The following WNT8B variants were observed in gnomAD, a reference collection of about 807,000 sequenced individuals.
The protein encoded by WNT8B is Wnt family member 8B.
A neutral mutation model predicts 36.6 loss-of-function variants in WNT8B; 24 were observed. That is an observed-to-expected ratio of 0.66 (90% CI 0.48 to 0.92). The LOEUF (loss-of-function observed/expected upper bound fraction) is 0.92, where lower values mean the gene tolerates loss of function less well. Ranked by LOEUF, WNT8B falls within the 40% of genes least tolerant of loss-of-function variation. The probability of loss-of-function intolerance (pLI) is 0.00; values close to 1 mark genes in which losing one functional copy is unlikely to be tolerated. For missense variants in WNT8B, 402 were observed against 470.8 expected (o/e 0.85, Z 1.35); for synonymous variants, 199 against 189.8 (o/e 1.05, Z -0.40).
At chr10:100,477,658 T>A (rs1851055420) in intron 1 of WNT8B, among the ~76,000 whole-genome samples, 1 of 152,196 alleles carries the variant, frequency 6.6e-6, no homozygotes, top group Admixed American at 6.5e-5. Context: ...TGACTATTAT[T>A]AATAAAGTGG....
rs1366918715 is a variant in WNT8B, at chr10:100,482,777, G to A, written c.1017G>A (p.Pro339=). ...TKYFCSRAER[P]RGGAAHKPGR... is the part of the protein sequence containing the mutation. Reference sequence around the variant, plus strand: ...ACTTCTGTAGCCGCGCAGAGCGGCCGCGGGGGGGCGCTGCGCACAAACCCG... The same window carrying A: ...ACTTCTGTAGCCGCGCAGAGCGGCCACGGGGGGGCGCTGCGCACAAACCCG... Residue 339 remains proline, a synonymous_variant, in exon 6 of 6, where the codon CCG becomes CCA. Transcript: ENST00000343737. This position sits in a 1 kb window ranked among gnomAD's most constrained non-coding sequence, Gnocchi z 6.6. 2 of 1,587,122 alleles carry A rather than the reference G, an allele frequency of 1.3e-6. No homozygotes were observed. Among genetic ancestry groups the A allele is most frequent in the East Asian group, 2.3e-5 (1 of 44,176 alleles).
chr10:100,480,926 A>C (rs1280774744), intron 3 of WNT8B, 72 bp from the exon 4 acceptor site: 28 of 1,537,316 alleles, frequency 1.8e-5, no homozygotes, highest in Non-Finnish European at 2.5e-5. Context: ...GTTATTAAAG[A>C]AAGGTAGCAT....
intron 3 of WNT8B, 126 bp from the exon 4 acceptor site, chr10:100,480,872 G>A: frequency 9.0e-7 from 1 of 1,110,222 alleles, no homozygotes; most frequent in East Asian, 2.5e-5. Flanking sequence ...TAATAATAAA[G>A]ATGGGGAAAT....
rs1466440315 is a variant in WNT8B, at chr10:100,482,794, A to G, written c.1034A>G (p.His345Arg). The G allele has an allele frequency of 6.3e-7, 1 of 1,582,084 alleles. No individual in the cohort carries two copies. The highest frequency in any genetic ancestry group is 8.6e-7 in the Non-Finnish European group (1 of 1,162,642). The stretch of plus-strand genomic sequence containing the variant: ...GAGCGGCCGCGGGGGGGCGCTGCGC[A>G]CAAACCCGGGAGAAAACCCTAAGGG... ...RAERPRGGAA[H>R]KPGRKP The change falls in exon 6 of 6, where the codon CAC (histidine) becomes CGC (arginine). Residue 345 changes from histidine to arginine, a missense_variant. Physicochemically the swap from His to Arg is conservative, Grantham distance 29. This residue lies in a region of WNT8B where 256 missense variants were observed against 278.6 expected (regional missense o/e 0.92). Coordinates refer to ENST00000343737, the MANE Select transcript of WNT8B (RefSeq NM_003393.4). This position sits in a 1 kb window ranked among gnomAD's most constrained non-coding sequence, Gnocchi z 6.6.
intron 1 of WNT8B, among the ~76,000 whole-genome samples, chr10:100,470,733 A>G: frequency 6.6e-6 from 1 of 152,092 alleles, no homozygotes; most frequent in East Asian, 1.9e-4. Context: ...CTTATTTTCT[A>G]TTTTATTTTG....
intron 4 of WNT8B, 37 bp downstream of exon 4, chr10:100,481,160 C>A (rs760813627): frequency 6.2e-7 from 1 of 1,607,066 alleles, no homozygotes; most frequent in Non-Finnish European, 8.5e-7. Flanking sequence ...CATAGGCCAG[C>A]CAACGCACAT....
At chr10:100,481,441 CTT>C (rs1301064524) in intron 4 of WNT8B, among the ~76,000 whole-genome samples, 2 of 152,230 alleles carry the variant, frequency 1.3e-5, no homozygotes, top group South Asian at 2.1e-4. Flanking sequence ...ACTTTCCACT[CTT>C]TACCTCCAGT....
rs773930024 is a variant in WNT8B at position 100,479,070 on chromosome 10, G to A, written c.87G>A (p.Leu29=). Residue 29 remains leucine (L), a synonymous_variant, in exon 2 of 6, where the codon CTG becomes CTA. Transcript: ENST00000343737. ...CTTATAGGTCGGTGAACAATTTCCT[G>A]ATGACTGGTCCAAAGGTAAGAACAA... ...LSHSWSVNNF[L]MTGPKAYLIY... is the part of the protein sequence containing the mutation. The A allele has an allele frequency of 3.1e-6, 5 of 1,600,356 alleles. No individual in the cohort carries two copies. The South Asian group carries it at 5.7e-5, about 18-fold the overall frequency.
In WNT8B at chr10:100,463,378, C is replaced by T. The variant is rs1010255862; in HGVS notation, c.68+142C>T. On this transcript the variant is annotated intron_variant, in intron 1 of 5. Transcript: ENST00000343737. Reference sequence around the variant, plus strand: ...ACTGTTCTATGGGGTAGGGCTCTTCCTAAATTTATGGCTGATTTTAGTGAA... The same window carrying T: ...ACTGTTCTATGGGGTAGGGCTCTTCTTAAATTTATGGCTGATTTTAGTGAA... The T allele has an allele frequency of 8.7e-6, 6 of 693,104 alleles. No homozygotes were observed. The African/African-American group carries it at 1.1e-4, about 13-fold the overall frequency. 42.9% of individuals were successfully genotyped at this position (693,104 alleles called of 1,614,324 possible).
intron 1 of WNT8B, among the ~76,000 whole-genome samples, chr10:100,467,923 C>A (rs547419455): frequency 1.3e-5 from 2 of 152,136 alleles, no homozygotes; most frequent in Non-Finnish European, 2.9e-5. Context: ...CCAAGTACTA[C>A]CATGGTTCAA....
At chr10:100,481,775 C>A (rs1190817619) in intron 4 of WNT8B, 137 bp from the exon 5 acceptor site, 1 of 1,246,514 alleles carries the variant, frequency 8.0e-7, no homozygotes, top group Non-Finnish European at 1.1e-6. Context: ...GGCAACTGAT[C>A]TGGATACAGG....
At chr10:100,471,098 G>C (rs1850972005) in intron 1 of WNT8B, among the ~76,000 whole-genome samples, 1 of 152,226 alleles carries the variant, frequency 6.6e-6, no homozygotes, top group African/African-American at 2.4e-5. Context: ...GCCCACAGTA[G>C]TCAGTACAAT....
Position 100,482,244 on chromosome 10 carries a change from G to T in WNT8B, c.511-27G>T. 6.4e-7 allele frequency: 1 copy of T among 1,555,868 alleles called. No homozygotes were observed. ...AAACTCGCCACGCGCTTAATCCGGGGCCTCTCACTCCTAGCTCTCTCCCCA... is the reference window on the plus strand; with the variant it reads ...AAACTCGCCACGCGCTTAATCCGGGTCCTCTCACTCCTAGCTCTCTCCCCA... On this transcript the variant is annotated intron_variant, in intron 5 of 5. Coordinates refer to ENST00000343737, the MANE Select transcript of WNT8B (RefSeq NM_003393.4). The surrounding 1 kb of genome is among the most constrained non-coding windows in gnomAD (Gnocchi z 6.6).
Position 100,482,493 on chromosome 10 carries a change from G to A in WNT8B, c.733G>A (p.Glu245Lys), listed in dbSNP as rs756371164. ...CACCTTTCGCTCCATCTCTACCCGG[G>A]AGCTGGTGCACCTGGAGGACTCCCC... ...ADTFRSISTR[E>K]LVHLEDSPDY... Residue 245 changes from glutamate to lysine, a missense_variant, in exon 6 of 6, where the codon GAG (glutamate) becomes AAG (lysine). Glu to Lys is a moderately conservative substitution (Grantham distance 56). Coordinates refer to ENST00000343737, the MANE Select transcript of WNT8B (RefSeq NM_003393.4). The surrounding 1 kb of genome is among the most constrained non-coding windows in gnomAD (Gnocchi z 6.6). 3.7e-6 allele frequency: 6 copies of A among 1,602,338 alleles called. No individual in the cohort carries two copies. The South Asian group carries it at 5.5e-5, about 15-fold the overall frequency.
Position 100,482,836 on chromosome 10 carries a change from C to T in WNT8B, c.*20C>T. The T allele has an allele frequency of 6.8e-7, 1 of 1,477,192 alleles. No homozygotes were observed. Among genetic ancestry groups the T allele is most frequent in the South Asian group, 1.4e-5 (1 of 71,010 alleles). 91.5% of individuals were successfully genotyped at this position (1,477,192 alleles called of 1,614,324 possible). A position where few individuals can be genotyped will look rare whatever the true frequency, so the allele number is the denominator to read the frequency against. On this transcript the variant is annotated 3_prime_UTR_variant, in exon 6 of 6. Coordinates refer to ENST00000343737, the MANE Select transcript of WNT8B (RefSeq NM_003393.4). This position sits in a 1 kb window ranked among gnomAD's most constrained non-coding sequence, Gnocchi z 6.6. ...CCCTAAGGGTTTCCTCTGCCCCCTC[C>T]TTTTCCCACTGGTTCTTGGCTTCCT...
At position 100,480,648 on chromosome 10, in the gene WNT8B, G is replaced by A. The variant is rs1028222556; in HGVS notation, c.242-350G>A. On this transcript the variant is annotated intron_variant, in intron 3 of 5. Coordinates refer to ENST00000343737, the MANE Select transcript of WNT8B (RefSeq NM_003393.4). ...ATAAAATGTGTGACCTGAAAAGACA[G>A]GAGGTGAGAAGAGCAGGGCTAAGGC... Among the ~76,000 whole-genome samples, 4 of 152,196 alleles carry A rather than the reference G, an allele frequency of 2.6e-5. No individual in the cohort carries two copies. The East Asian group carries it at 7.7e-4, about 29-fold the overall frequency.
chr10:100,475,857 C>A (rs1851031747), intron 1 of WNT8B, among the ~76,000 whole-genome samples: 1 of 152,170 alleles, frequency 6.6e-6, no homozygotes, highest in Admixed American at 6.5e-5. Context: ...AAATTCATGT[C>A]CAAACCTATA....
intron 1 of WNT8B, among the ~76,000 whole-genome samples, chr10:100,473,480 C>T (rs1227611184): frequency 6.6e-6 from 1 of 152,152 alleles, no homozygotes; most frequent in Non-Finnish European, 1.5e-5. Context: ...AGTCAGTTTC[C>T]ATGAGATTGC....
chr10:100,479,031 T>C, intron 1 of WNT8B, 21 bp from the exon 2 acceptor site: 1 of 1,584,818 alleles, frequency 6.3e-7, no homozygotes, highest in East Asian at 2.2e-5. Context: ...ATTCTGTTTT[T>C]GTTTTTTTTT....
Sources: allele counts gnomAD v4.1 joint callset (sites outside exome capture counted in the v4.1 genomes callset), GRCh38; gene constraint gnomAD v4.1.1; regional missense constraint gnomAD v4.1.1; non-coding constraint Gnocchi (gnomAD v3.1); transcripts MANE v1.5; gene names NCBI Gene and HGNC (gene_info 2026-07-23, HGNC 2026-07-21).